SLC26A6: variants seen among roughly 807,000 people sequenced by gnomAD.
The protein encoded by SLC26A6 is solute carrier family 26 member 6, also known as anion exchange transporter.
Under a neutral mutation model 87.1 loss-of-function variants are expected in SLC26A6, and 67 were observed. That is an observed-to-expected ratio of 0.77 (90% CI 0.63 to 0.94). The LOEUF (loss-of-function observed/expected upper bound fraction) is 0.94, where lower values mean the gene tolerates loss of function less well. Ranked by LOEUF, SLC26A6 falls within the 40% of genes least tolerant of loss-of-function variation. SLC26A6 has a pLI of 0.00. For synonymous variants in SLC26A6, 414 were observed against 405.9 expected, an observed-to-expected ratio of 1.02 and a Z score of -0.24; for missense variants, 902 against 973.0, an observed-to-expected ratio of 0.93 and a Z score of 0.97.
At chr3:48,634,594 G>A (rs2046902501) in intron 1 of SLC26A6, 1 of 485,010 alleles carries the variant, frequency 2.1e-6, no homozygotes, top group South Asian at 8.8e-5. Context: ...CTGTCACCTG[G>A]GAATAGATCT....
Position 48,635,419 on chromosome 3 carries a change from T to C in SLC26A6, c.-26A>G, listed in dbSNP as rs1167595796. 1.3e-6 allele frequency: 2 copies of C among 1,570,912 alleles called. No individual in the cohort carries two copies. Among genetic ancestry groups the C allele is most frequent in the Admixed American group, 1.8e-5 (1 of 54,716 alleles). The stretch of plus-strand genomic sequence containing the variant: ...GGCTCGCAAGTTGTCCGGTGCGGGC[T>C]GCTCCTGCTGCTCGAGCTAGAGGCC... On this transcript the variant is annotated 5_prime_UTR_variant, in exon 1 of 21. Coordinates refer to ENST00000395550, the MANE Select transcript of SLC26A6 (RefSeq NM_022911.3).
Position 48,632,290 on chromosome 3 carries a change from C to A in SLC26A6, c.540G>T (p.Arg180=). 1 of 1,612,690 alleles carries A rather than the reference C, an allele frequency of 6.2e-7. No individual in the cohort carries two copies. The highest frequency in any genetic ancestry group is 8.5e-7 in the Non-Finnish European group (1 of 1,179,524). Residue 180 remains arginine (R), a synonymous_variant, in exon 5 of 21, where the codon CGG becomes CGT. Coordinates refer to ENST00000395550, the MANE Select transcript of SLC26A6 (RefSeq NM_022911.3). ...MINETARDAA[R]VQVASTLSVL... is the part of the protein sequence containing the mutation. ...CACTGAGTGTGGAGGCCACCTGTACCCGGGCAGCATCTCTGGCTGTCTCAT... is the reference window on the plus strand; with the variant it reads ...CACTGAGTGTGGAGGCCACCTGTACACGGGCAGCATCTCTGGCTGTCTCAT...
At chr3:48,634,706 T>C in intron 1 of SLC26A6, 4 of 985,074 alleles carry the variant, frequency 4.1e-6, no homozygotes, top group Non-Finnish European at 4.8e-6. Flanking sequence ...GGGGAGAGGA[T>C]CCCATTTGAG....
intron 13 of SLC26A6, 48 bp from the exon 14 acceptor site, chr3:48,629,759 T>A (rs1182029721): frequency 6.2e-7 from 1 of 1,610,542 alleles, no homozygotes; most frequent in Admixed American, 1.7e-5. Context: ...AAAAAGGGGA[T>A]AACAGAGGGG....
rs2046690257 is a variant in SLC26A6, at chr3:48,628,544, G to A, written c.1693-3C>T. On this transcript the variant is annotated splice_region_variant and splice_polypyrimidine_tract_variant and intron_variant, in intron 15 of 20. Transcript: ENST00000395550. This position sits in a 1 kb window ranked among gnomAD's most constrained non-coding sequence, Gnocchi z 4.4. ...AGGAAGTCGACATCCACACCACACT[G>A]GAGGCAAACATCAGAGAAGGGTTGG... is the stretch of plus-strand genomic sequence containing the variant. The A allele has an allele frequency of 6.2e-7, 1 of 1,614,034 alleles. No homozygotes were observed. The highest frequency in any genetic ancestry group is 8.5e-7 in the Non-Finnish European group (1 of 1,179,968).
Position 48,625,913 on chromosome 3 carries a change from G to T in SLC26A6, c.*73C>A. The T allele has an allele frequency of 1.2e-6, 2 of 1,601,070 alleles. No individual in the cohort carries two copies. The highest frequency in any genetic ancestry group is 8.5e-7 in the Non-Finnish European group (1 of 1,170,636). On this transcript the variant is annotated 3_prime_UTR_variant, in exon 21 of 21. Transcript: ENST00000395550. The surrounding 1 kb of genome is among the most constrained non-coding windows in gnomAD (Gnocchi z 4.7). ...GACTCCTGGGTAGCACCTGGAGGCG[G>T]CCTAGGGGTGAGGGGCTTCTCAAGG...
At position 48,633,738 on chromosome 3, in the gene SLC26A6, C is replaced by T. The variant is rs756100556; in HGVS notation, c.24-103G>A. The T allele has an allele frequency of 5.2e-6, 8 of 1,536,510 alleles. No individual in the cohort carries two copies. The East Asian group carries it at 1.1e-4, about 22-fold the overall frequency. ...GAGTTACCTACCTGATTTTTCCAGGCCCTAAGATCAAGGTACAGTATTCCA... is the reference window on the plus strand; with the variant it reads ...GAGTTACCTACCTGATTTTTCCAGGTCCTAAGATCAAGGTACAGTATTCCA... On this transcript the variant is annotated intron_variant, in intron 1 of 20. Transcript: ENST00000395550.
In SLC26A6 at chr3:48,630,435, C is replaced by T; in HGVS notation, c.1326+3G>A. ...CCTGAAACCTGGCTGGGTGGGGGCT[C>T]ACCTTGGGCAGGTCATGGAAGAGTT... On this transcript the variant is annotated splice_donor_region_variant and intron_variant, in intron 11 of 20. Coordinates refer to ENST00000395550, the MANE Select transcript of SLC26A6 (RefSeq NM_022911.3). 1 of 1,554,886 alleles carries T rather than the reference C, an allele frequency of 6.4e-7. No individual in the cohort carries two copies.
intron 1 of SLC26A6, chr3:48,633,922 T>C: frequency 7.8e-7 from 1 of 1,277,850 alleles, no homozygotes; most frequent in Non-Finnish European, 1.0e-6. Context: ...GGCAGCCCAG[T>C]GCTGAGTGTT....
Position 48,633,283 on chromosome 3 carries a change from C to A in SLC26A6, c.290G>T (p.Gly97Val), listed in dbSNP as rs867339844. The change falls in exon 3 of 21, where the codon GGC becomes GTC. Residue 97 changes from glycine (G) to valine (V), a missense_variant. Gly to Val is a moderately radical substitution (Grantham distance 109). This residue lies in a region of SLC26A6 where 800 missense variants were observed against 856.8 expected (regional missense o/e 0.93). Coordinates refer to ENST00000395550, the MANE Select transcript of SLC26A6 (RefSeq NM_022911.3). ...RDWLLGDLLS[G>V]LSVAIMQLPQ... ...AAGCTGCATGATGGCCACACTCAGG[C>A]CGGATAACAGGTCACCCAGGAGCCA... is the stretch of plus-strand genomic sequence containing the variant. 1 of 1,613,216 alleles carries A rather than the reference C, an allele frequency of 6.2e-7. No homozygotes were observed. Among genetic ancestry groups the A allele is most frequent in the African/African-American group, 1.3e-5 (1 of 74,938 alleles).
chr3:48,630,364 G>A (rs1451236661), intron 11 of SLC26A6, 74 bp downstream of exon 11: 26 of 1,477,408 alleles, frequency 1.8e-5, no homozygotes, highest in Admixed American at 4.0e-5. Context: ...CCCACCCCTC[G>A]CCTGAACCTA....
chr3:48,627,601 A>G (rs1435593416), intron 17 of SLC26A6: 1 of 203,480 alleles, frequency 4.9e-6, no homozygotes, highest in East Asian at 1.3e-4. Context: ...TAGCCTCCCG[A>G]AGAGCTGGGA....
chr3:48,635,050 G>GCCAGGGACTCCCGTGCC (rs1418626125), intron 1 of SLC26A6, among the ~76,000 whole-genome samples: 1 of 152,226 alleles, frequency 6.6e-6, no homozygotes, highest in African/African-American at 2.4e-5. Context: ...ACGGGCCGCT[G>GCCAGGGACTCCCGTGCC]CCAGGGACTC....
chr3:48,632,173 G>C, intron 5 of SLC26A6, 72 bp downstream of exon 5: 9 of 1,576,340 alleles, frequency 5.7e-6, no homozygotes, highest in Non-Finnish European at 6.9e-6. Flanking sequence ...CAGACACTCA[G>C]GGGAGTACAG....
In SLC26A6 at chr3:48,633,291, C is replaced by T. The variant is rs2046862817; in HGVS notation, c.282G>A (p.Leu94=). The T allele has an allele frequency of 8.7e-6, 14 of 1,613,468 alleles. No individual in the cohort carries two copies. In the East Asian group the frequency reaches 3.1e-4, roughly 36 times the overall value. The change falls in exon 3 of 21, where the codon CTG becomes CTA. Residue 94 remains leucine (L), a synonymous_variant. Transcript: ENST00000395550. ...YPVRDWLLGD[L]LSGLSVAIMQ... ...TGATGGCCACACTCAGGCCGGATAA[C>T]AGGTCACCCAGGAGCCAGTCACGCA... is the stretch of plus-strand genomic sequence containing the variant.
chr3:48,630,269 CA>C, intron 11 of SLC26A6, 112 bp from the exon 12 acceptor site: 1 of 1,354,284 alleles, frequency 7.4e-7, no homozygotes, highest in Non-Finnish European at 1.0e-6. Flanking sequence ...ACCCCAGACA[CA>C]AACCCCCACC....
Position 48,630,523 on chromosome 3 carries a change from G to A in SLC26A6, c.1249-8C>T. ...AGAGATGGCTCCAGCAACCTGTTCG[G>A]GGAGGGAGTGAGCAGGGGAGAGACC... is the stretch of plus-strand genomic sequence containing the variant. On this transcript the variant is annotated splice_polypyrimidine_tract_variant and splice_region_variant and intron_variant, in intron 10 of 20. Transcript: ENST00000395550. 6.4e-7 allele frequency: 1 copy of A among 1,559,670 alleles called. No homozygotes were observed. Among genetic ancestry groups the A allele is most frequent in the Non-Finnish European group, 8.7e-7 (1 of 1,151,390 alleles).
chr3:48,628,616 T>C lies in SLC26A6; in HGVS notation c.1692+6A>G, dbSNP rs2106650835. On this transcript the variant is annotated splice_donor_region_variant and intron_variant, in intron 15 of 20. Coordinates refer to ENST00000395550, the MANE Select transcript of SLC26A6 (RefSeq NM_022911.3). The surrounding 1 kb of genome is among the most constrained non-coding windows in gnomAD (Gnocchi z 4.4). ...CCTGACACCCATCCTGGGGACTCCG[T>C]CTCACCCTCTGCTTCAGCGCATCAC... 6.2e-7 allele frequency: 1 copy of C among 1,613,878 alleles called. No homozygotes were observed. Among genetic ancestry groups the C allele is most frequent in the Non-Finnish European group, 8.5e-7 (1 of 1,179,948 alleles).
Position 48,628,320 on chromosome 3 carries a change from A to G in SLC26A6, c.1800+114T>C. On this transcript the variant is annotated intron_variant, in intron 16 of 20. Transcript: ENST00000395550. This position sits in a 1 kb window ranked among gnomAD's most constrained non-coding sequence, Gnocchi z 4.4. Reference sequence around the variant, plus strand: ...AGCAGGGTCCCTGGGAGCATGAGGGAGAAAGGGGAAGGGATGAGGAGTGAG... The same window carrying G: ...AGCAGGGTCCCTGGGAGCATGAGGGGGAAAGGGGAAGGGATGAGGAGTGAG... 7.2e-7 allele frequency: 1 copy of G among 1,393,726 alleles called. No individual in the cohort carries two copies. Among genetic ancestry groups the G allele is most frequent in the Non-Finnish European group, 9.9e-7 (1 of 1,012,376 alleles). The allele number at this position is 1,393,726 out of a possible 1,614,324, so 86.3% of individuals were successfully genotyped here.
Sources: allele counts gnomAD v4.1 joint callset (sites outside exome capture counted in the v4.1 genomes callset), GRCh38; gene constraint gnomAD v4.1.1; regional missense constraint gnomAD v4.1.1; non-coding constraint Gnocchi (gnomAD v3.1); transcripts MANE v1.5; gene names NCBI Gene and HGNC (gene_info 2026-07-23, HGNC 2026-07-21).